CEBPZ: variants seen among roughly 807,000 people sequenced by gnomAD.
CEBPZ encodes CCAAT enhancer binding protein zeta, also known as CCAAT/enhancer-binding protein zeta.
A neutral mutation model predicts 104.5 loss-of-function variants in CEBPZ; 78 were observed. The ratio of observed to expected loss-of-function variants is 0.75; its 90% CI spans 0.62 to 0.90. The LOEUF is 0.90. CEBPZ is among the 40% of genes least tolerant of loss of function. The probability of loss-of-function intolerance (pLI) is 0.00; values close to 1 mark genes in which losing one functional copy is unlikely to be tolerated. For synonymous variants in CEBPZ, 470 were observed against 427.0 expected (o/e 1.10, Z -1.24); for missense variants, 1,439 against 1,233.5 (o/e 1.17, Z -2.50).
Position 37,211,074 on chromosome 2 carries a change from C to T in CEBPZ, c.2809G>A (p.Val937Ile). 6.2e-7 allele frequency: 1 copy of T among 1,604,582 alleles called. No homozygotes were observed. Among genetic ancestry groups the T allele is most frequent in the Non-Finnish European group, 8.5e-7 (1 of 1,177,048 alleles). The part of the protein sequence containing the change: ...DESESVPELE[V>I]HSKVSTKKSK... ...TTCTTAGTACTGACTTTGGAGTGGA[C>T]TTCAAGTTCTGTTACACGAAAAAAT... The change falls in exon 13 of 16, where the codon GTC (valine) becomes ATC (isoleucine). Residue 937 changes from valine to isoleucine, a missense_variant. Val to Ile is a conservative substitution (Grantham distance 29, BLOSUM62 3). Transcript: ENST00000234170.
At chr2:37,224,617 T>C (rs1664843069) in intron 2 of CEBPZ, among the ~76,000 whole-genome samples, 1 of 152,222 alleles carries the variant, frequency 6.6e-6, no homozygotes, top group Non-Finnish European at 1.5e-5. Context: ...TTGCAATTTA[T>C]TATTAGGCAT....
Position 37,231,578 on chromosome 2 carries a change from G to C in CEBPZ, c.-11C>G, listed in dbSNP as rs767114471. 6.2e-6 allele frequency: 10 copies of C among 1,614,232 alleles called. No homozygotes were observed. Among genetic ancestry groups the C allele is most frequent in the Non-Finnish European group, 7.6e-6 (9 of 1,180,042 alleles). On this transcript the variant is annotated 5_prime_UTR_variant, in exon 1 of 16. Coordinates refer to ENST00000234170, the MANE Select transcript of CEBPZ (RefSeq NM_005760.3). ...CTTGACTGCGGCCATGGCGGGCAAAGCATACGCGCGTGAAACTCAGCCTAT... is the reference window on the plus strand; with the variant it reads ...CTTGACTGCGGCCATGGCGGGCAAACCATACGCGCGTGAAACTCAGCCTAT...
In CEBPZ at chr2:37,227,764, C is replaced by CT. The variant is rs763090473; in HGVS notation, c.1428dup (p.Asp477ArgfsTer3). 28 of 1,600,792 alleles carry CT rather than the reference C, an allele frequency of 1.7e-5. No homozygotes were observed. Among genetic ancestry groups the CT allele is most frequent in the Admixed American group, 5.1e-5 (3 of 59,066 alleles). Reference sequence around the variant, plus strand: ...GCGCTAAGCATTTTTGATTCAACATCTTTTTTTTTGACACAAGTCCGAAAA... The same window carrying CT: ...GCGCTAAGCATTTTTGATTCAACATCTTTTTTTTTTGACACAAGTCCGAAAA... On this transcript the variant is annotated frameshift_variant, in exon 2 of 16. Transcript: ENST00000234170. LOFTEE classifies it high-confidence loss of function.
Position 37,211,921 on chromosome 2 carries a change from C to T in CEBPZ, c.2722G>A (p.Asp908Asn), listed in dbSNP as rs372501847. The part of the protein sequence containing the change: ...DDEVSLGSMD[D>N]EEFAEVDEDG... Reference sequence around the variant, plus strand: ...TCATCAACTTCAGCAAATTCTTCATCATCCATACTTCCTAAAGAAACTTCA... The same window carrying T: ...TCATCAACTTCAGCAAATTCTTCATTATCCATACTTCCTAAAGAAACTTCA... The change falls in exon 12 of 16, where the codon GAT becomes AAT. Residue 908 changes from aspartate (D) to asparagine (N), a missense_variant. Transcript: ENST00000234170. 3.1e-6 allele frequency: 5 copies of T among 1,613,442 alleles called. No homozygotes were observed. The highest frequency in any genetic ancestry group is 1.7e-5 in the Admixed American group (1 of 59,862).
chr2:37,222,009 T>C (rs1245905254), intron 4 of CEBPZ, among the ~76,000 whole-genome samples: 2 of 152,182 alleles, frequency 1.3e-5, no homozygotes, highest in Non-Finnish European at 2.9e-5. Flanking sequence ...GTGGGCCAGG[T>C]ACAGTGGCTC....
At position 37,202,986 on chromosome 2, in the gene CEBPZ, GTTTCT is replaced by G; in HGVS notation, c.2902_2906del (p.Arg968LeufsTer3). The stretch of plus-strand genomic sequence containing the variant: ...ATACAAATAGGCTGGAATCATTTAA[GTTTCT>G]TTTCTTTTTTCTTGGCCCTAAAAAA... On this transcript the variant is annotated frameshift_variant, in exon 14 of 16. Coordinates refer to ENST00000234170, the MANE Select transcript of CEBPZ (RefSeq NM_005760.3). LOFTEE classifies it high-confidence loss of function. The G allele has an allele frequency of 6.4e-7, 1 of 1,551,282 alleles. No homozygotes were observed. Among genetic ancestry groups the G allele is most frequent in the Non-Finnish European group, 8.7e-7 (1 of 1,152,506 alleles).
chr2:37,222,116 T>A, intron 4 of CEBPZ, among the ~76,000 whole-genome samples: 1 of 152,078 alleles, frequency 6.6e-6, no homozygotes, highest in Non-Finnish European at 1.5e-5. Flanking sequence ...AAACTCCACC[T>A]CTACTAAAAA....
chr2:37,210,837 T>A, intron 13 of CEBPZ, 162 bp downstream of exon 13: 1 of 492,256 alleles, frequency 2.0e-6, no homozygotes, highest in Non-Finnish European at 3.6e-6. Context: ...GAGAAACAAT[T>A]CAAAATGTGG....
At chr2:37,231,356 G>A (rs1665090146) in intron 1 of CEBPZ, 56 bp downstream of exon 1, 5 of 1,607,098 alleles carry the variant, frequency 3.1e-6, no homozygotes, top group Non-Finnish European at 4.2e-6. Flanking sequence ...AGTCAGCCTA[G>A]CCACCTTCGG....
intron 10 of CEBPZ, 49 bp from the exon 11 acceptor site, chr2:37,212,441 G>A: frequency 2.1e-6 from 3 of 1,442,042 alleles, no homozygotes; most frequent in Middle Eastern, 1.7e-4. Flanking sequence ...TGACAAGCTT[G>A]ACATATATCT....
At position 37,223,916 on chromosome 2, in the gene CEBPZ, C is replaced by A. The variant is rs185566853; in HGVS notation, c.1650-515G>T. Reference sequence around the variant, plus strand: ...TTCAGAGAATCTCTAGTCCAATGTACTAGCTGTGTAACATTCCTCTCATAC... The same window carrying A: ...TTCAGAGAATCTCTAGTCCAATGTAATAGCTGTGTAACATTCCTCTCATAC... On this transcript the variant is annotated intron_variant, in intron 2 of 15. Transcript: ENST00000234170. Among the ~76,000 whole-genome samples the A allele has an allele frequency of 2.6e-5, 4 of 152,342 alleles. No individual in the cohort carries two copies. In the East Asian group the frequency reaches 7.7e-4, roughly 29 times the overall value.
At chr2:37,224,542 A>G (rs540827978) in intron 2 of CEBPZ, among the ~76,000 whole-genome samples, 19 of 149,812 alleles carry the variant, frequency 1.3e-4, no homozygotes, top group Non-Finnish European at 2.2e-4. Context: ...GGATTATTCA[A>G]TTTTCTCTCT....
rs1421744527 is a variant in CEBPZ at position 37,216,149 on chromosome 2, G to A, written c.2371C>T (p.His791Tyr). ...TAAGGTTTATACTTACCAGGAAGAT[G>A]ACGAATATCCTTAATAAAATGTTTT... ...KRKHFIKDIR[H>Y]LPVNSKEFLA... The change falls in exon 8 of 16, where the codon CAT becomes TAT. Residue 791 changes from histidine (H) to tyrosine (Y), a missense_variant. His to Tyr is a moderately conservative substitution (Grantham distance 83). Transcript: ENST00000234170. 6.2e-6 allele frequency: 10 copies of A among 1,610,070 alleles called. No homozygotes were observed. Among genetic ancestry groups the A allele is most frequent in the Non-Finnish European group, 8.5e-6 (10 of 1,177,668 alleles).
chr2:37,215,841 C>A (rs544130677), intron 8 of CEBPZ, among the ~76,000 whole-genome samples: 1 of 150,872 alleles, frequency 6.6e-6, no homozygotes, highest in Non-Finnish European at 1.5e-5. Flanking sequence ...GATGAAGCTA[C>A]GGATGATAAA....
rs757321332 is a variant in CEBPZ at position 37,227,531 on chromosome 2, G to C, written c.1649+13C>G. 9.5e-6 allele frequency: 15 copies of C among 1,583,730 alleles called. No individual in the cohort carries two copies. In the South Asian group the frequency reaches 1.8e-4, roughly 19 times the overall value. ...ATTATTTCATGTCTCATATTGGAAG[G>C]GTATGTTCTTACCTGTATAATGCTG... On this transcript the variant is annotated intron_variant, in intron 2 of 15. Coordinates refer to ENST00000234170, the MANE Select transcript of CEBPZ (RefSeq NM_005760.3).
intron 13 of CEBPZ, chr2:37,209,429 C>T (rs1022529663): frequency 6.6e-6 from 1 of 152,158 alleles, no homozygotes; most frequent in Non-Finnish European, 1.5e-5. Context: ...TAGCATGGTA[C>T]TTGTACAAAA....
chr2:37,202,055 T>A (rs541898080), intron 15 of CEBPZ, 152 bp from the exon 16 acceptor site: 1 of 499,874 alleles, frequency 2.0e-6, no homozygotes, highest in South Asian at 5.2e-5. Context: ...TTGTTGCTTT[T>A]CTTCTCATAT....
chr2:37,216,899 A>G (rs1452801797), intron 6 of CEBPZ, 85 bp downstream of exon 6: 1 of 1,116,346 alleles, frequency 9.0e-7, no homozygotes, highest in Non-Finnish European at 1.3e-6. Context: ...TCTCTGTTAG[A>G]GAAAACACTG....
chr2:37,216,060 T>G, intron 8 of CEBPZ, 80 bp downstream of exon 8: 1 of 1,075,556 alleles, frequency 9.3e-7, no homozygotes, highest in Non-Finnish European at 1.4e-6. Flanking sequence ...TCTGATAAAT[T>G]AGAACAAAGA....
Sources: gnomAD v4.1 joint callset for allele counts (sites outside exome capture counted in the v4.1 genomes callset) on GRCh38, gnomAD v4.1.1 for gene constraint, MANE v1.5 for transcripts, NCBI Gene and HGNC (gene_info 2026-07-23, HGNC 2026-07-21) for gene names.